CCBE1: variants seen among roughly 807,000 people sequenced by gnomAD.
CCBE1 encodes the protein collagen and calcium binding EGF domains 1.
In CCBE1, 37 loss-of-function variants were observed where a neutral mutation model predicts 50.0. That is an observed-to-expected ratio of 0.74 (90% CI 0.57 to 0.97). The LOEUF (loss-of-function observed/expected upper bound fraction) is 0.97, where lower values mean the gene tolerates loss of function less well. Ranked by LOEUF, CCBE1 falls within the 50% of genes least tolerant of loss-of-function variation. The probability of loss-of-function intolerance (pLI) is 0.00; values close to 1 mark genes in which losing one functional copy is unlikely to be tolerated. For missense variants in CCBE1, 538 were observed against 523.8 expected (o/e 1.03, Z -0.26); for synonymous variants, 234 against 203.7 (o/e 1.15, Z -1.27).
At chr18:59,579,712 T>TA (rs2053055264) in intron 2 of CCBE1, among the ~76,000 whole-genome samples, 1 of 152,230 alleles carries the variant, frequency 6.6e-6, no homozygotes, top group South Asian at 2.1e-4. Flanking sequence ...GTTAGGCTCT[T>TA]ACTGCGTTAG....
intron 2 of CCBE1, among the ~76,000 whole-genome samples, chr18:59,488,700 T>A (rs1347333235): frequency 2.0e-5 from 3 of 152,134 alleles, no homozygotes; most frequent in Non-Finnish European, 4.4e-5. Flanking sequence ...TAACTGACAT[T>A]AAGTTCTTCT....
intron 2 of CCBE1, among the ~76,000 whole-genome samples, chr18:59,524,927 C>T (rs1328715737): frequency 3.3e-5 from 5 of 152,196 alleles, no homozygotes; most frequent in African/African-American, 7.2e-5. Flanking sequence ...TACATGATCT[C>T]GTTCCTTTTA....
At chr18:59,436,372 G>A (rs947416406) in intron 10 of CCBE1, among the ~76,000 whole-genome samples, 9 of 152,122 alleles carry the variant, frequency 5.9e-5, no homozygotes, top group South Asian at 2.1e-4. Context: ...CCCTCCTAAC[G>A]CTTTATCAAA....
intron 2 of CCBE1, among the ~76,000 whole-genome samples, chr18:59,633,407 G>T (rs1175357878): frequency 6.6e-6 from 1 of 152,146 alleles, no homozygotes; most frequent in African/African-American, 2.4e-5. Flanking sequence ...TTTTCCAGGG[G>T]GACATTAGTT....
At chr18:59,451,942 TTTCC>T (rs149625870) in intron 6 of CCBE1, among the ~76,000 whole-genome samples, 21,871 of 151,882 alleles carry the variant, frequency 0.14, 1,604 homozygotes, top group African/African-American at 0.17. Flanking sequence ...AAGTCACCAC[TTTCC>T]TTTCATAGTA....
chr18:59,613,640 C>T (rs949181655), intron 2 of CCBE1, among the ~76,000 whole-genome samples: 1 of 151,964 alleles, frequency 6.6e-6, no homozygotes, highest in Non-Finnish European at 1.5e-5. Flanking sequence ...TGGCTCACGC[C>T]TGTAATCCCA....
At chr18:59,443,439 TTG>T (rs1484504321) in intron 7 of CCBE1, among the ~76,000 whole-genome samples, 1 of 151,526 alleles carries the variant, frequency 6.6e-6, no homozygotes, top group African/African-American at 2.4e-5. Flanking sequence ...TTTTAAAAAC[TTG>T]TGATAAAAAA....
At chr18:59,492,200 T>C (rs189966594) in intron 2 of CCBE1, among the ~76,000 whole-genome samples, 3 of 151,094 alleles carry the variant, frequency 2.0e-5, no homozygotes, top group East Asian at 3.9e-4. Flanking sequence ...CAGAGGTCTA[T>C]GGCAAATAAT....
At chr18:59,634,600 T>G (rs1054400776) in intron 2 of CCBE1, among the ~76,000 whole-genome samples, 1 of 151,912 alleles carries the variant, frequency 6.6e-6, no homozygotes, top group Non-Finnish European at 1.5e-5. Flanking sequence ...AAACAAGAAA[T>G]AGCAAAAGAG....
At chr18:59,632,625 A>G (rs186222285) in intron 2 of CCBE1, among the ~76,000 whole-genome samples, 2 of 151,870 alleles carry the variant, frequency 1.3e-5, no homozygotes, top group East Asian at 3.9e-4. Flanking sequence ...GTCTTACTCT[A>G]TGGCCCAGGC....
intron 2 of CCBE1, among the ~76,000 whole-genome samples, chr18:59,668,115 T>C (rs888439713): frequency 2.6e-5 from 4 of 152,038 alleles, no homozygotes; most frequent in Admixed American, 2.0e-4. Flanking sequence ...ATCCCAGAAC[T>C]TAAAGTATAA....
At chr18:59,633,559 T>A (rs1301201605) in intron 2 of CCBE1, among the ~76,000 whole-genome samples, 1 of 152,220 alleles carries the variant, frequency 6.6e-6, no homozygotes, top group African/African-American at 2.4e-5. Flanking sequence ...CATTAAGCCG[T>A]GTTTTCAGGC....
intron 2 of CCBE1, among the ~76,000 whole-genome samples, chr18:59,532,038 A>C (rs1253990392): frequency 2.0e-5 from 3 of 152,184 alleles, no homozygotes; most frequent in Non-Finnish European, 4.4e-5. Context: ...AAACATACTC[A>C]TGACCGTCTA....
intron 2 of CCBE1, among the ~76,000 whole-genome samples, chr18:59,523,434 G>C (rs1016537932): frequency 2.6e-5 from 4 of 151,352 alleles, no homozygotes; most frequent in South Asian, 4.2e-4. Flanking sequence ...TAATCTTTCT[G>C]TATCTCAATT....
rs551280286 is a variant in CCBE1, at chr18:59,648,334, C to T, written c.212+48295G>A. On this transcript the variant is annotated intron_variant, in intron 2 of 10. Coordinates refer to ENST00000439986, the MANE Select transcript of CCBE1 (RefSeq NM_133459.4). Reference sequence around the variant, plus strand: ...CTGGATACATAAATGCTTGGAGAACCGGGTGGCTGGGCCTCACAGAACCCT... The same window carrying T: ...CTGGATACATAAATGCTTGGAGAACTGGGTGGCTGGGCCTCACAGAACCCT... Among the ~76,000 whole-genome samples, 16 of 152,304 alleles carry T rather than the reference C, an allele frequency of 1.1e-4. No individual in the cohort carries two copies. In the South Asian group the frequency reaches 2.3e-3, roughly 22 times the overall value.
intron 2 of CCBE1, among the ~76,000 whole-genome samples, chr18:59,673,485 A>G (rs1389391469): frequency 6.6e-6 from 1 of 152,202 alleles, no homozygotes; most frequent in African/African-American, 2.4e-5. Flanking sequence ...GATTGTCAAG[A>G]AGATTAAAGA....
At chr18:59,491,224 G>A (rs1158877964) in intron 2 of CCBE1, among the ~76,000 whole-genome samples, 1 of 152,166 alleles carries the variant, frequency 6.6e-6, no homozygotes, top group Admixed American at 6.5e-5. Flanking sequence ...TGTTCACCAT[G>A]GTTACCAAGC....
chr18:59,549,368 A>C (rs1915830572), intron 2 of CCBE1, among the ~76,000 whole-genome samples: 1 of 152,154 alleles, frequency 6.6e-6, no homozygotes, highest in Admixed American at 6.5e-5. Context: ...TTCAGGTCAA[A>C]CTCCAGTTTG....
At chr18:59,531,781 A>C (rs1202772979) in intron 2 of CCBE1, among the ~76,000 whole-genome samples, 1 of 152,174 alleles carries the variant, frequency 6.6e-6, no homozygotes. Context: ...GCAAGCCTAC[A>C]GATCATTCAC....
Sources: gnomAD v4.1 joint callset for allele counts (sites outside exome capture counted in the v4.1 genomes callset) on GRCh38, gnomAD v4.1.1 for gene constraint, MANE v1.5 for transcripts, NCBI Gene and HGNC (gene_info 2026-07-23, HGNC 2026-07-21) for gene names.